STPG1: variants seen among roughly 807,000 people sequenced by gnomAD.
The protein encoded by STPG1 is sperm tail PG-rich repeat containing 1, also known as O(6)-methylguanine-induced apoptosis 2.
In STPG1, 33 loss-of-function variants were observed where a neutral mutation model predicts 40.1. That is an observed-to-expected ratio of 0.82 (90% CI 0.62 to 1.10). The LOEUF (loss-of-function observed/expected upper bound fraction) is 1.10, where lower values mean the gene tolerates loss of function less well. STPG1 is among the 50% of genes least tolerant of loss of function. The pLI, the probability that STPG1 is intolerant of heterozygous loss-of-function variation, is 0.00. For synonymous variants in STPG1, 150 were observed against 155.0 expected (o/e 0.97, Z 0.24); for missense variants, 396 against 415.1 (o/e 0.95, Z 0.40).
intron 5 of STPG1, among the ~76,000 whole-genome samples, chr1:24,375,332 G>A (rs768994255): frequency 6.6e-6 from 1 of 152,164 alleles, no homozygotes; most frequent in Non-Finnish European, 1.5e-5. Flanking sequence ...CTGAATGAGT[G>A]AAACTATTTG....
chr1:24,359,323 C>T lies in STPG1; in HGVS notation c.929-704G>A, dbSNP rs1640935440. 2.0e-5 allele frequency among the ~76,000 whole-genome samples: 3 copies of T among 152,228 alleles called. No individual in the cohort carries two copies. Among genetic ancestry groups the T allele is most frequent in the Admixed American group, 6.5e-5 (1 of 15,290 alleles). On this transcript the variant is annotated intron_variant, in intron 8 of 8. Coordinates refer to ENST00000337248, the MANE Select transcript of STPG1 (RefSeq NM_001199013.2). This position sits in a 1 kb window ranked among gnomAD's most constrained non-coding sequence, Gnocchi z 5.3. The stretch of plus-strand genomic sequence containing the variant: ...CCACATACGGCATGGAAAAGTCATT[C>T]GGGCAATGCTTCCAGAGGATGTGGT...
At chr1:24,397,055 G>C (rs767030439) in intron 2 of STPG1, among the ~76,000 whole-genome samples, 5 of 152,084 alleles carry the variant, frequency 3.3e-5, no homozygotes, top group Non-Finnish European at 7.4e-5. Context: ...GTAGATTTCA[G>C]AGCAAAAAAT....
chr1:24,411,952 CTCTCT>C (rs1371340743), intron 1 of STPG1: 2 of 135,718 alleles, frequency 1.5e-5, no homozygotes, highest in African/African-American at 5.2e-5. Context: ...CTGATTCTCT[CTCTCT>C]TTTTTTCTTT....
chr1:24,392,868 AGT>A (rs747619931), intron 2 of STPG1, among the ~76,000 whole-genome samples: 158 of 152,266 alleles, frequency 1.0e-3, no homozygotes, highest in Non-Finnish European at 1.5e-3. Context: ...GAAAAAAAAC[AGT>A]CAAGAGAAGG....
At chr1:24,413,888 A>G (rs927854982), upstream of STPG1, 1 of 152,220 alleles carries the variant, frequency 6.6e-6, no homozygotes, top group African/African-American at 2.4e-5. Flanking sequence ...GCTTAGGTTA[A>G]TTACATCAGG....
At chr1:24,380,222 T>C (rs1642222811) in intron 4 of STPG1, among the ~76,000 whole-genome samples, 1 of 152,214 alleles carries the variant, frequency 6.6e-6, no homozygotes, top group Non-Finnish European at 1.5e-5. Flanking sequence ...ATCTTGTTTC[T>C]AAGGTTAAAT....
At chr1:24,378,923 C>T (rs1039744872) in intron 5 of STPG1, among the ~76,000 whole-genome samples, 4 of 152,148 alleles carry the variant, frequency 2.6e-5, no homozygotes, top group East Asian at 1.9e-4. Context: ...TAAGTAAATA[C>T]CCTTCATGTA....
chr1:24,357,936 G>T lies in STPG1; in HGVS notation c.*607C>A, dbSNP rs1640828683. On this transcript the variant is annotated 3_prime_UTR_variant, in exon 9 of 9. Transcript: ENST00000337248. ...GATCTCCCACTCCAAAGAGAAAAAG[G>T]TCTAAAAGGAGTAAAGAGAGGTCTT... The T allele has an allele frequency of 3.0e-6, 1 of 336,134 alleles. No homozygotes were observed. Among genetic ancestry groups the T allele is most frequent in the Non-Finnish European group, 5.9e-6 (1 of 169,402 alleles). 20.8% of individuals were successfully genotyped at this position (336,134 alleles called of 1,614,324 possible).
At chr1:24,390,014 C>A (rs1220185681) in intron 3 of STPG1, among the ~76,000 whole-genome samples, 2 of 152,200 alleles carry the variant, frequency 1.3e-5, no homozygotes, top group Admixed American at 1.3e-4. Context: ...GCTGAGGGCA[C>A]CAGGGCTGGC....
At chr1:24,373,112 A>G (rs1286172964) in intron 6 of STPG1, among the ~76,000 whole-genome samples, 2 of 152,176 alleles carry the variant, frequency 1.3e-5, no homozygotes, top group African/African-American at 4.8e-5. Context: ...ACACTGGGCA[A>G]GTCATTTCAA....
chr1:24,365,188 C>A (rs536907056), intron 7 of STPG1, among the ~76,000 whole-genome samples: 1 of 152,280 alleles, frequency 6.6e-6, no homozygotes, highest in South Asian at 2.1e-4. Flanking sequence ...AATCTAATTA[C>A]CAAAATTGGA....
chr1:24,386,291 C>T (rs1642500699), intron 3 of STPG1, among the ~76,000 whole-genome samples: 1 of 152,200 alleles, frequency 6.6e-6, no homozygotes, highest in Non-Finnish European at 1.5e-5. Flanking sequence ...TTAATTCTGC[C>T]ACTTTGCATA....
chr1:24,379,491 G>A (rs574310898), intron 5 of STPG1, 162 bp downstream of exon 5: 1 of 723,696 alleles, frequency 1.4e-6, no homozygotes, highest in Non-Finnish European at 2.3e-6. Flanking sequence ...CAAATTCCCT[G>A]TAAGAGTCTT....
In STPG1 at chr1:24,399,013, C is replaced by T. The variant is rs912055147; in HGVS notation, c.70+2306G>A. The stretch of plus-strand genomic sequence containing the variant: ...ATTTGTATAGCTACCCAGATTTGAT[C>T]ATCGCACATTATATTCTTGTATCAA... On this transcript the variant is annotated intron_variant, in intron 2 of 8. Coordinates refer to ENST00000337248, the MANE Select transcript of STPG1 (RefSeq NM_001199013.2). This position sits in a 1 kb window ranked among gnomAD's most constrained non-coding sequence, Gnocchi z 4.0. Among the ~76,000 whole-genome samples, 1 of 152,000 alleles carries T rather than the reference C, an allele frequency of 6.6e-6. No individual in the cohort carries two copies. Among genetic ancestry groups the T allele is most frequent in the South Asian group, 2.1e-4 (1 of 4,824 alleles).
intron 4 of STPG1, among the ~76,000 whole-genome samples, chr1:24,382,234 A>G (rs999191328): frequency 2.6e-5 from 4 of 152,210 alleles, no homozygotes; most frequent in Non-Finnish European, 4.4e-5. Flanking sequence ...CCTCTGATTC[A>G]GTCTCTTTGT....
intron 6 of STPG1, among the ~76,000 whole-genome samples, chr1:24,370,530 C>T (rs897746393): frequency 3.3e-5 from 5 of 151,796 alleles, no homozygotes; most frequent in African/African-American, 7.3e-5. Context: ...CTCGCTCTGT[C>T]GCCCAGGCTG....
chr1:24,411,275 T>A (rs952872463), intron 1 of STPG1, among the ~76,000 whole-genome samples: 2 of 152,208 alleles, frequency 1.3e-5, no homozygotes, highest in Non-Finnish European at 2.9e-5. Flanking sequence ...GGGGGTTAAG[T>A]GACTTGCCCA....
intron 1 of STPG1, among the ~76,000 whole-genome samples, chr1:24,404,196 A>G (rs911294559): frequency 6.6e-6 from 1 of 152,140 alleles, no homozygotes; most frequent in Admixed American, 6.5e-5. Context: ...TGATCATACA[A>G]TTGTTCTTTG....
chr1:24,393,596 A>C (rs572972083), intron 2 of STPG1, among the ~76,000 whole-genome samples: 1 of 152,336 alleles, frequency 6.6e-6, no homozygotes, highest in South Asian at 2.1e-4. Context: ...AGGAGATCCA[A>C]GGCTTCTGGC....
Sources: allele counts gnomAD v4.1 joint callset (sites outside exome capture counted in the v4.1 genomes callset), GRCh38; gene constraint gnomAD v4.1.1; non-coding constraint Gnocchi (gnomAD v3.1); transcripts MANE v1.5; gene names NCBI Gene and HGNC (gene_info 2026-07-23, HGNC 2026-07-21).